ZEB1: variants seen among roughly 807,000 people sequenced by gnomAD.
The protein encoded by ZEB1 is zinc finger E-box binding homeobox 1.
Under a neutral mutation model 84.9 loss-of-function variants are expected in ZEB1, and 21 were observed. The ratio of observed to expected loss-of-function variants is 0.25; its 90% CI spans 0.18 to 0.36. The LOEUF is 0.36. ZEB1 is among the 10% of genes least tolerant of loss of function. The probability of loss-of-function intolerance (pLI) is 1.00; values close to 1 mark genes in which losing one functional copy is unlikely to be tolerated. For missense variants in ZEB1, 1,104 were observed against 1,330.2 expected (o/e 0.83, Z 2.65); for synonymous variants, 420 against 471.1 (o/e 0.89, Z 1.41).
chr10:31,347,317 A>C (rs1481344982), intron 1 of ZEB1, among the ~76,000 whole-genome samples: 1 of 152,202 alleles, frequency 6.6e-6, no homozygotes, highest in Non-Finnish European at 1.5e-5. Context: ...ACTCTCACTC[A>C]GTGAAGATCT....
intron 1 of ZEB1, among the ~76,000 whole-genome samples, chr10:31,350,729 T>G (rs567647037): frequency 6.6e-5 from 10 of 151,920 alleles, no homozygotes; most frequent in East Asian, 5.8e-4. Flanking sequence ...TTATCTGGGG[T>G]TTTTTTTGGG....
intron 1 of ZEB1, among the ~76,000 whole-genome samples, chr10:31,324,436 G>A (rs2034991339): frequency 6.6e-6 from 1 of 151,972 alleles, no homozygotes; most frequent in Non-Finnish European, 1.5e-5. Context: ...TAAGCATGTG[G>A]TTAGAGCCAG....
chr10:31,371,698 A>G (rs993358763), intron 1 of ZEB1, among the ~76,000 whole-genome samples: 1 of 152,164 alleles, frequency 6.6e-6, no homozygotes, highest in Non-Finnish European at 1.5e-5. Flanking sequence ...TTTATATCTC[A>G]TAGCACCCAG....
intron 1 of ZEB1, among the ~76,000 whole-genome samples, chr10:31,447,838 C>T (rs2059994550): frequency 6.6e-6 from 1 of 151,858 alleles, no homozygotes; most frequent in Non-Finnish European, 1.5e-5. Context: ...CTCTGGCTGC[C>T]CTTAACATTT....
At chr10:31,338,191 T>A (rs371971355) in intron 1 of ZEB1, among the ~76,000 whole-genome samples, 15 of 152,376 alleles carry the variant, frequency 9.8e-5, no homozygotes, top group East Asian at 9.6e-4. Flanking sequence ...ACTTAAAATA[T>A]GTGTGTTACT....
chr10:31,505,430 A>G (rs1289941010), intron 4 of ZEB1, among the ~76,000 whole-genome samples: 4 of 151,658 alleles, frequency 2.6e-5, no homozygotes, highest in Non-Finnish European at 4.4e-5. Flanking sequence ...GACTTGAAAT[A>G]TTCATTATGG....
intron 1 of ZEB1, among the ~76,000 whole-genome samples, chr10:31,424,739 C>T (rs184433921): frequency 1.4e-3 from 212 of 152,026 alleles, no homozygotes; most frequent in Non-Finnish European, 2.2e-3. Context: ...ACCTTATTTT[C>T]CTTAAGTGAG....
At chr10:31,386,492 T>C (rs1169022075) in intron 1 of ZEB1, among the ~76,000 whole-genome samples, 1 of 152,098 alleles carries the variant, frequency 6.6e-6, no homozygotes, top group African/African-American at 2.4e-5. Flanking sequence ...TTCTTCTTAA[T>C]CATCGCAATT....
intron 2 of ZEB1, among the ~76,000 whole-genome samples, chr10:31,479,219 G>A (rs979536486): frequency 5.9e-5 from 9 of 151,698 alleles, no homozygotes; most frequent in Non-Finnish European, 7.4e-5. Context: ...AACAGACCAA[G>A]GAAGGAGATT....
intron 1 of ZEB1, among the ~76,000 whole-genome samples, chr10:31,336,671 T>G (rs547098412): frequency 5.9e-5 from 9 of 152,248 alleles, no homozygotes; most frequent in Non-Finnish European, 7.4e-5. Flanking sequence ...AAAACTGGGC[T>G]TGAATAGGCA....
intron 1 of ZEB1, among the ~76,000 whole-genome samples, chr10:31,392,212 A>G (rs1451437488): frequency 6.6e-6 from 1 of 152,184 alleles, no homozygotes; most frequent in South Asian, 2.1e-4. Flanking sequence ...GCTATGTGAT[A>G]AGTTCTTGAA....
chr10:31,383,907 A>G (rs1348869790), intron 1 of ZEB1, among the ~76,000 whole-genome samples: 1 of 151,386 alleles, frequency 6.6e-6, no homozygotes, highest in Non-Finnish European at 1.5e-5. Context: ...AATTGGATTC[A>G]GTAAAAAGTA....
chr10:31,382,649 T>C (rs182729850), intron 1 of ZEB1, among the ~76,000 whole-genome samples: 2 of 152,274 alleles, frequency 1.3e-5, no homozygotes, highest in East Asian at 3.9e-4. Flanking sequence ...TACCTTTACA[T>C]CTCATATTTG....
chr10:31,451,556 T>C (rs907255766), intron 1 of ZEB1, among the ~76,000 whole-genome samples: 4 of 152,248 alleles, frequency 2.6e-5, no homozygotes, highest in Non-Finnish European at 5.9e-5. Context: ...ATGCAGACTT[T>C]ACTTATGAAG....
intron 1 of ZEB1, among the ~76,000 whole-genome samples, chr10:31,425,477 C>A (rs1294491442): frequency 6.6e-6 from 1 of 151,888 alleles, no homozygotes; most frequent in African/African-American, 2.4e-5. Flanking sequence ...GAAAATCAGG[C>A]CTCATAGACA....
chr10:31,475,273 A>G (rs190241643), intron 2 of ZEB1, among the ~76,000 whole-genome samples: 36 of 152,306 alleles, frequency 2.4e-4, no homozygotes, highest in African/African-American at 8.7e-4. Context: ...GTAAATGAAC[A>G]AAGTCTTCAA....
At chr10:31,400,296 A>G (rs1057414804) in intron 1 of ZEB1, among the ~76,000 whole-genome samples, 4 of 152,194 alleles carry the variant, frequency 2.6e-5, no homozygotes, top group Non-Finnish European at 5.9e-5. Context: ...GTGGAATTTA[A>G]AAATAGCCAA....
intron 1 of ZEB1, among the ~76,000 whole-genome samples, chr10:31,420,201 AC>A (rs762460629): frequency 1.1e-4 from 17 of 152,128 alleles, no homozygotes; most frequent in South Asian, 2.1e-4. Flanking sequence ...TAATGGATTA[AC>A]CTTCTATTGC....
chr10:31,481,004 G>C (rs2138447686), intron 2 of ZEB1, among the ~76,000 whole-genome samples: 1 of 152,068 alleles, frequency 6.6e-6, no homozygotes, highest in Non-Finnish European at 1.5e-5. Context: ...GTGTACTCAG[G>C]GAAGTATCAA....
Sources: allele counts gnomAD v4.1 joint callset (sites outside exome capture counted in the v4.1 genomes callset), GRCh38; gene constraint gnomAD v4.1.1; transcripts MANE v1.5; gene names NCBI Gene and HGNC (gene_info 2026-07-23, HGNC 2026-07-21).